The following MORC4 variants were observed in gnomAD, a reference collection of about 807,000 sequenced individuals.
MORC4 encodes MORC family CW-type zinc finger 4.
Under a neutral mutation model 65.5 loss-of-function variants are expected in MORC4, and 22 were observed. The ratio of observed to expected loss-of-function variants is 0.34; its 90% CI spans 0.24 to 0.48. The LOEUF (loss-of-function observed/expected upper bound fraction) is 0.48, where lower values mean the gene tolerates loss of function less well. Among genes scored for constraint, MORC4 ranks in the 20% least tolerant of loss-of-function variants. The pLI, the probability that MORC4 is intolerant of heterozygous loss-of-function variation, is 0.99. For synonymous variants in MORC4, 267 were observed against 255.8 expected (o/e 1.04, Z -0.42); for missense variants, 624 against 703.0 (o/e 0.89, Z 1.27).
chrX:106,993,186 T>G (rs1260616602), intron 3 of MORC4, 44 bp downstream of exon 3: 1 of 1,169,069 alleles, frequency 8.6e-7, no homozygotes. Context: ...TTAAATAGGG[T>G]TCATGAGCTT....
At chrX:106,962,276 C>T (rs1429232891) in intron 9 of MORC4, among the ~76,000 whole-genome samples, 166 bp from the exon 10 acceptor site, 1 of 112,562 alleles carries the variant, frequency 8.9e-6, no homozygotes, top group Non-Finnish European at 1.9e-5. Flanking sequence ...CCTTTGCAAG[C>T]TACATGTCAA....
Position 106,957,010 on chromosome X carries a change from G to A in MORC4, c.1386-6C>T. On this transcript the variant is annotated splice_polypyrimidine_tract_variant and splice_region_variant and intron_variant, in intron 11 of 16. Transcript: ENST00000355610. The stretch of plus-strand genomic sequence containing the variant: ...CCTCTGGAACAGAGCATCTCCTGCA[G>A]TACAGAGAATAAATCATCCTTTGGA... The A allele has an allele frequency of 8.6e-7, 1 of 1,161,752 alleles. No individual in the cohort carries two copies. Among genetic ancestry groups the A allele is most frequent in the Non-Finnish European group, 1.2e-6 (1 of 856,116 alleles).
chrX:106,995,799 C>T (rs1887515), intron 2 of MORC4, among the ~76,000 whole-genome samples: 2,096 of 111,889 alleles, frequency 0.019, 52 homozygotes, highest in African/African-American at 0.064. Flanking sequence ...TTGTAAGAGG[C>T]AGCAGTATTT....
intron 3 of MORC4, among the ~76,000 whole-genome samples, 192 bp from the exon 4 acceptor site, chrX:106,986,392 T>C (rs1446129845): frequency 9.0e-6 from 1 of 111,639 alleles, no homozygotes; most frequent in Non-Finnish European, 1.9e-5. Flanking sequence ...TACTATGGGG[T>C]AATGGGACTA....
chrX:106,973,211 T>C (rs1403326540), intron 9 of MORC4, among the ~76,000 whole-genome samples: 1 of 112,134 alleles, frequency 8.9e-6, no homozygotes, highest in Non-Finnish European at 1.9e-5. Context: ...GACCCCTTTT[T>C]TCCTTTTAGT....
intron 3 of MORC4, among the ~76,000 whole-genome samples, chrX:106,988,599 C>T (rs1174433548): frequency 1.8e-5 from 2 of 112,044 alleles, no homozygotes; most frequent in Admixed American, 9.5e-5. Context: ...ATGTCAGGTA[C>T]CAATCAAATA....
At chrX:106,983,576 AT>A (rs1934791842) in intron 5 of MORC4, among the ~76,000 whole-genome samples, 1 of 112,113 alleles carries the variant, frequency 8.9e-6, no homozygotes, top group Admixed American at 9.4e-5. Context: ...TCTTAAATGT[AT>A]TCCATTAGAC....
chrX:106,971,506 A>C (rs1602493812), intron 9 of MORC4, among the ~76,000 whole-genome samples: 1 of 112,486 alleles, frequency 8.9e-6, no homozygotes, highest in African/African-American at 3.2e-5. Context: ...CAGCAAAAGA[A>C]ACTATCATCA....
In MORC4 at chrX:106,981,339, A is replaced by G; in HGVS notation, c.807+6T>C. Reference sequence around the variant, plus strand: ...CTCTCATTGTTGAAAAACCATTCTTACTTACCCTTAAAGAATATTCTGTTT... The same window carrying G: ...CTCTCATTGTTGAAAAACCATTCTTGCTTACCCTTAAAGAATATTCTGTTT... On this transcript the variant is annotated splice_donor_region_variant and intron_variant, in intron 6 of 16. Coordinates refer to ENST00000355610, the MANE Select transcript of MORC4 (RefSeq NM_024657.5). 1 of 1,187,093 alleles carries G rather than the reference A, an allele frequency of 8.4e-7. No individual in the cohort carries two copies.
In MORC4 at chrX:106,980,941, C is replaced by A. The variant is rs1934727832; in HGVS notation, c.886G>T (p.Ala296Ser). The A allele has an allele frequency of 8.3e-7, 1 of 1,207,769 alleles. No homozygotes were observed. The highest frequency in any genetic ancestry group is 3.0e-5 in the East Asian group (1 of 33,820). Reference protein sequence around the residue: ...RQKKVTTQMIAKSLANVEYDT... With the variant: ...RQKKVTTQMISKSLANVEYDT... ...TATTCTACATTGGCCAGGCTCTTGGCAATCATCTGGGTAGTCACCTTCTTT... is the reference window on the plus strand; with the variant it reads ...TATTCTACATTGGCCAGGCTCTTGGAAATCATCTGGGTAGTCACCTTCTTT... The change falls in exon 7 of 17, where the codon GCC becomes TCC. Residue 296 changes from alanine (A) to serine (S), a missense_variant. Physicochemically the swap from Ala to Ser is moderately conservative, Grantham distance 99. Transcript: ENST00000355610.
At chrX:106,945,308 G>A (rs1010179233) in intron 14 of MORC4, among the ~76,000 whole-genome samples, 2 of 110,744 alleles carry the variant, frequency 1.8e-5, no homozygotes, top group Non-Finnish European at 3.8e-5. Context: ...TTTGACTGGA[G>A]TGCCCTTCTT....
intron 14 of MORC4, among the ~76,000 whole-genome samples, chrX:106,946,977 T>C (rs980270256): frequency 1.3e-4 from 15 of 111,286 alleles, no homozygotes; most frequent in African/African-American, 4.3e-4. Flanking sequence ...TCTAAAAATA[T>C]AATTTTCCCT....
rs778208181 is a variant in MORC4, at chrX:106,942,974, A to C, written c.1917T>G (p.Asn639Lys). ...YPEASKNTGQNREVSILYPGA... is the reference protein window; with the variant it reads ...YPEASKNTGQKREVSILYPGA... ...CTGGATACAGAATTGAAACCTCCCT[A>C]TTCTGACCTGTATTCTTGCTTGCTT... The change falls in exon 15 of 17, where the codon AAT becomes AAG. Residue 639 changes from asparagine to lysine, a missense_variant. Asn to Lys is a moderately conservative substitution (Grantham distance 94). Transcript: ENST00000355610. 27 of 1,211,177 alleles carry C rather than the reference A, an allele frequency of 2.2e-5. No individual in the cohort carries two copies. The highest frequency in any genetic ancestry group is 4.5e-6 in the Non-Finnish European group (4 of 895,191).
intron 15 of MORC4, 67 bp from the exon 16 acceptor site, chrX:106,942,288 G>A (rs778897986): frequency 8.5e-5 from 94 of 1,110,135 alleles, no homozygotes; most frequent in Non-Finnish European, 1.1e-4. Flanking sequence ...TTCCTCATAT[G>A]GTCATCCTGT....
At chrX:106,964,726 T>C (rs1050387923) in intron 9 of MORC4, among the ~76,000 whole-genome samples, 2 of 112,135 alleles carry the variant, frequency 1.8e-5, no homozygotes, top group East Asian at 5.6e-4. Context: ...AAGAAAAAAA[T>C]TGGCCAGGTG....
At chrX:106,962,957 T>C (rs1602486884) in intron 9 of MORC4, among the ~76,000 whole-genome samples, 1 of 111,620 alleles carries the variant, frequency 9.0e-6, no homozygotes, top group East Asian at 2.8e-4. Context: ...CCCCAAGGTT[T>C]TTGCAGAGCT....
At chrX:106,986,389 G>C (rs1021550330) in intron 3 of MORC4, among the ~76,000 whole-genome samples, 189 bp from the exon 4 acceptor site, 2 of 111,221 alleles carry the variant, frequency 1.8e-5, no homozygotes, top group African/African-American at 6.5e-5. Context: ...AATTACTATG[G>C]GGTAATGGGA....
chrX:106,986,194 G>A lies in MORC4; in HGVS notation c.315C>T (p.Gly105=), dbSNP rs771382509. 7.6e-6 allele frequency: 9 copies of A among 1,180,450 alleles called. No homozygotes were observed. In the South Asian group the frequency reaches 1.7e-4, roughly 22 times the overall value. Residue 105 remains glycine, a synonymous_variant, in exon 4 of 17, where the codon GGC becomes GGT. Coordinates refer to ENST00000355610, the MANE Select transcript of MORC4 (RefSeq NM_024657.5). ...TCTTCTTTATTACTTTATCTGTAAA[G>A]CCAAAGCTGCAATTACACAAGAAAA... ...PHKLHRMLSF[G]FTDKVIKKSQ... is the part of the protein sequence containing the mutation.
intron 2 of MORC4, among the ~76,000 whole-genome samples, chrX:106,994,165 A>C (rs1437792338): frequency 8.9e-6 from 1 of 112,595 alleles, no homozygotes; most frequent in Non-Finnish European, 1.9e-5. Flanking sequence ...GCCATAGTCT[A>C]ACAATTGTGT....
Sources: gnomAD v4.1 joint callset for allele counts (sites outside exome capture counted in the v4.1 genomes callset) on GRCh38, gnomAD v4.1.1 for gene constraint, MANE v1.5 for transcripts, NCBI Gene and HGNC (gene_info 2026-07-23, HGNC 2026-07-21) for gene names.